Variants in EPB41L1 observed in about 807,000 individuals in gnomAD.
EPB41L1 encodes the protein erythrocyte membrane protein band 4.1 like 1.
A neutral mutation model predicts 97.8 loss-of-function variants in EPB41L1; 29 were observed. The observed-to-expected ratio is 0.30, with a 90% confidence interval of 0.22 to 0.40. The LOEUF (loss-of-function observed/expected upper bound fraction) is 0.40. Ranked by LOEUF, EPB41L1 falls within the 10% of genes least tolerant of loss-of-function variation. The pLI, the probability that EPB41L1 is intolerant of heterozygous loss-of-function variation, is 1.00. For missense variants in EPB41L1, 812 were observed against 1,162.3 expected, an observed-to-expected ratio of 0.70 and a Z score of 4.38; for synonymous variants, 383 against 459.2, an observed-to-expected ratio of 0.83 and a Z score of 2.12.
Position 36,207,173 on chromosome 20 carries a change from C to T in EPB41L1, c.1669-2315C>T, listed in dbSNP as rs570737252. On this transcript the variant is annotated intron_variant, in intron 14 of 21. Coordinates refer to ENST00000338074, the MANE Select transcript of EPB41L1 (RefSeq NM_012156.2). The surrounding 1 kb of genome is among the most constrained non-coding windows in gnomAD (Gnocchi z 4.9). ...ACCTCCCATGGGTCAGGGGAGCCTT[C>T]GGAGCTCAGGGAGCCCTTTCTTAGA... 1.1e-4 allele frequency: 145 copies of T among 1,288,674 alleles called. No homozygotes were observed. The East Asian group carries it at 1.6e-3, about 14-fold the overall frequency. 79.8% of individuals were successfully genotyped at this position (1,288,674 alleles called of 1,614,324 possible).
chr20:36,094,112 A>G (rs2057755294), intron 1 of EPB41L1, among the ~76,000 whole-genome samples: 1 of 152,166 alleles, frequency 6.6e-6, no homozygotes, highest in African/African-American at 2.4e-5. Flanking sequence ...GTCTGTGTGC[A>G]TGTGTCCTCC....
chr20:36,196,208 C>T (rs1168240324), intron 13 of EPB41L1, among the ~76,000 whole-genome samples: 1 of 152,196 alleles, frequency 6.6e-6, no homozygotes, highest in African/African-American at 2.4e-5. Flanking sequence ...CTTCTGCCAC[C>T]AACTCTTTGA....
intron 2 of EPB41L1, among the ~76,000 whole-genome samples, chr20:36,143,577 G>A (rs1043525274): frequency 3.3e-5 from 5 of 152,030 alleles, no homozygotes; most frequent in East Asian, 1.9e-4. Flanking sequence ...ATTTCTTATC[G>A]TGGCTGATTA....
At position 36,206,761 on chromosome 20, in the gene EPB41L1, G is replaced by A. The variant is rs1323667618; in HGVS notation, c.1669-2727G>A. 3 of 1,289,890 alleles carry A rather than the reference G, an allele frequency of 2.3e-6. No individual in the cohort carries two copies. The highest frequency in any genetic ancestry group is 3.0e-6 in the Non-Finnish European group (3 of 988,886). The allele number at this position is 1,289,890 out of a possible 1,614,324, so 79.9% of individuals were successfully genotyped here. A position where few individuals can be genotyped will look rare whatever the true frequency, so the allele number is the denominator to read the frequency against. On this transcript the variant is annotated intron_variant, in intron 14 of 21. Transcript: ENST00000338074. The surrounding 1 kb of genome is among the most constrained non-coding windows in gnomAD (Gnocchi z 5.5). ...AGGCTGGGAAGATGCCCAGTGGGGA[G>A]TGGAAGGAGAGTTTCCCCACCTGAC...
At chr20:36,102,456 C>T (rs940542044) in intron 1 of EPB41L1, among the ~76,000 whole-genome samples, 2 of 152,182 alleles carry the variant, frequency 1.3e-5, no homozygotes, top group East Asian at 3.8e-4. Context: ...TCTCATGCCT[C>T]TCAGCACATT....
intron 7 of EPB41L1, among the ~76,000 whole-genome samples, chr20:36,186,233 G>A (rs1012798926): frequency 6.6e-6 from 1 of 152,132 alleles, no homozygotes; most frequent in Non-Finnish European, 1.5e-5. Flanking sequence ...TGATTTGTAG[G>A]GTCCTTTTAA....
At chr20:36,186,467 G>T (rs1390178423) in intron 7 of EPB41L1, among the ~76,000 whole-genome samples, 3 of 152,082 alleles carry the variant, frequency 2.0e-5, no homozygotes, top group African/African-American at 4.8e-5. Flanking sequence ...GTGTACGTGG[G>T]GAAGAGCCTG....
intron 14 of EPB41L1, among the ~76,000 whole-genome samples, chr20:36,208,083 GAC>G (rs768689675): frequency 6.6e-5 from 10 of 152,146 alleles, no homozygotes; most frequent in Admixed American, 6.5e-4. Flanking sequence ...ACCAGCAAAT[GAC>G]ACACCTGCTT....
At chr20:36,219,422 C>T (rs2063642605) in intron 18 of EPB41L1, among the ~76,000 whole-genome samples, 1 of 152,182 alleles carries the variant, frequency 6.6e-6, no homozygotes, top group Non-Finnish European at 1.5e-5. Context: ...AGAGAGCGTG[C>T]ACCTGGCTAT....
intron 1 of EPB41L1, among the ~76,000 whole-genome samples, chr20:36,158,644 T>C (rs1600662277): frequency 6.6e-6 from 1 of 152,316 alleles, no homozygotes; most frequent in East Asian, 1.9e-4. Context: ...ACGTAGGCTA[T>C]AGTCACAGCA....
At chr20:36,202,681 C>T (rs1009787792) in intron 14 of EPB41L1, among the ~76,000 whole-genome samples, 8 of 151,614 alleles carry the variant, frequency 5.3e-5, no homozygotes, top group African/African-American at 1.2e-4. Flanking sequence ...GGCGTGGTGG[C>T]GCGTGCCTGT....
At chr20:36,199,103 G>C (rs950834760) in intron 14 of EPB41L1, among the ~76,000 whole-genome samples, 17 of 152,158 alleles carry the variant, frequency 1.1e-4, no homozygotes, top group African/African-American at 3.9e-4. Flanking sequence ...TTAAAGTCAA[G>C]CATACTAATT....
chr20:36,172,739 T>C (rs1842240412), intron 1 of EPB41L1, among the ~76,000 whole-genome samples: 3 of 152,108 alleles, frequency 2.0e-5, no homozygotes, highest in African/African-American at 4.8e-5. Context: ...TAGCTGGGAT[T>C]ACAGAAGTGC....
At chr20:36,139,785 G>A (rs1255768953) in intron 2 of EPB41L1, among the ~76,000 whole-genome samples, 1 of 151,254 alleles carries the variant, frequency 6.6e-6, no homozygotes, top group Non-Finnish European at 1.5e-5. Flanking sequence ...AGGCTGGAGT[G>A]CAATGGTACG....
chr20:36,158,412 T>C (rs2060398777), intron 1 of EPB41L1, among the ~76,000 whole-genome samples: 2 of 152,144 alleles, frequency 1.3e-5, no homozygotes, highest in South Asian at 4.2e-4. Flanking sequence ...GACGGGGACC[T>C]TTGAGCTGGG....
At chr20:36,110,632 C>CAT (rs1361981621) in intron 1 of EPB41L1, 3 of 147,938 alleles carry the variant, frequency 2.0e-5, no homozygotes, top group African/African-American at 7.5e-5. Context: ...TACACACACA[C>CAT]ACACACACAC....
Position 36,221,942 on chromosome 20 carries a change from C to T in EPB41L1, c.2518C>T (p.Gln840Ter). 1 of 1,614,074 alleles carries T rather than the reference C, an allele frequency of 6.2e-7. No individual in the cohort carries two copies. The highest frequency in any genetic ancestry group is 8.5e-7 in the Non-Finnish European group (1 of 1,179,968). ...TGGGGATGAAGATGTCGATCAAGACCAGGTATGGGGGTAGCAACCGTTCTT... is the reference window on the plus strand; with the variant it reads ...TGGGGATGAAGATGTCGATCAAGACTAGGTATGGGGGTAGCAACCGTTCTT... The part of the protein sequence containing the change: ...ITGDEDVDQD[Q>*]ALALAIKEAK... The change falls in exon 20 of 22, where the codon CAG (glutamine) becomes TAG (stop). Residue 840 changes from glutamine to a stop codon, truncating the protein, a stop_gained and splice_region_variant. Transcript: ENST00000338074. LOFTEE classifies it high-confidence loss of function.
At chr20:36,188,797 T>G (rs879464261) in intron 9 of EPB41L1, among the ~76,000 whole-genome samples, 2 of 148,838 alleles carry the variant, frequency 1.3e-5, no homozygotes, top group Non-Finnish European at 3.0e-5. Context: ...CTGGCCAACA[T>G]GGTGAAACCC....
Position 36,206,276 on chromosome 20 carries a change from A to T in EPB41L1, c.1669-3212A>T. On this transcript the variant is annotated intron_variant, in intron 14 of 21. Transcript: ENST00000338074. The surrounding 1 kb of genome is among the most constrained non-coding windows in gnomAD (Gnocchi z 5.5). Reference sequence around the variant, plus strand: ...GATGGTCAGCCGGAGGGCCAGACAGAGCTGAGGAAGGGGCTGGAGGAGCCT... The same window carrying T: ...GATGGTCAGCCGGAGGGCCAGACAGTGCTGAGGAAGGGGCTGGAGGAGCCT... 7.8e-7 allele frequency: 1 copy of T among 1,289,878 alleles called. No homozygotes were observed. Among genetic ancestry groups the T allele is most frequent in the South Asian group, 1.2e-5 (1 of 81,024 alleles). The allele number at this position is 1,289,878 out of a possible 1,614,324, so 79.9% of individuals were successfully genotyped here. A position where few individuals can be genotyped will look rare whatever the true frequency, so the allele number is the denominator to read the frequency against.
Sources: allele counts gnomAD v4.1 joint callset (sites outside exome capture counted in the v4.1 genomes callset), GRCh38; gene constraint gnomAD v4.1.1; non-coding constraint Gnocchi (gnomAD v3.1); transcripts MANE v1.5; gene names NCBI Gene and HGNC (gene_info 2026-07-23, HGNC 2026-07-21).